SP140: variants seen among roughly 807,000 people sequenced by gnomAD.
SP140 encodes the protein SP140 nuclear body protein, also known as nuclear body protein SP140.
SP140 carries 81 observed loss-of-function variants against 125.0 expected under a neutral mutation model. That is an observed-to-expected ratio of 0.65 (90% CI 0.54 to 0.78). SP140 has a LOEUF of 0.78. SP140 is among the 30% of genes least tolerant of loss of function. SP140 has a pLI of 0.00. For synonymous variants in SP140, 312 were observed against 354.0 expected (o/e 0.88, Z 1.33); for missense variants, 858 against 1,037.0 (o/e 0.83, Z 2.37).
At chr2:230,287,485 G>A (rs373671517) in intron 17 of SP140, among the ~76,000 whole-genome samples, 86 of 152,074 alleles carry the variant, frequency 5.7e-4, no homozygotes, top group African/African-American at 1.3e-3. Flanking sequence ...CTGTAATGAC[G>A]GTAATCATCA....
At chr2:230,303,570 G>A (rs1002938924) in intron 22 of SP140, among the ~76,000 whole-genome samples, 4 of 152,106 alleles carry the variant, frequency 2.6e-5, no homozygotes, top group Non-Finnish European at 4.4e-5. Context: ...TATGAAGCCA[G>A]TATCACCCTA....
chr2:230,227,742 AT>A (rs2046669167), intron 1 of SP140, among the ~76,000 whole-genome samples: 1 of 152,002 alleles, frequency 6.6e-6, no homozygotes, highest in Non-Finnish European at 1.5e-5. Flanking sequence ...TTACCTTTCC[AT>A]TGTCCATGGA....
upstream of SP140, among the ~76,000 whole-genome samples, chr2:230,224,148 G>A (rs1483503152): frequency 6.6e-6 from 1 of 152,220 alleles, no homozygotes; most frequent in African/African-American, 2.4e-5. Flanking sequence ...TCTAGTAGTA[G>A]CAGCAGTACC....
At chr2:230,199,240 A>C, upstream of SP140, among the ~76,000 whole-genome samples, 3 of 112,726 alleles carry the variant, frequency 2.7e-5, no homozygotes, top group East Asian at 2.6e-4. Context: ...ACAGAGTCTC[A>C]CTCTGTCACC....
Position 230,312,630 on chromosome 2 carries a change from T to G in SP140, c.2550T>G (p.Phe850Leu). The part of the protein sequence containing the change: ...GQMGFRLEAE[F>L]EKNFKEVFAI... Reference sequence around the variant, plus strand: ...TGGGATTTAGACTGGAGGCTGAGTTTGAGAAGAATTTCAAGGAAGTGTTTG... The same window carrying G: ...TGGGATTTAGACTGGAGGCTGAGTTGGAGAAGAATTTCAAGGAAGTGTTTG... The change falls in exon 27 of 27, where the codon TTT becomes TTG. Residue 850 changes from phenylalanine (F) to leucine (L), a missense_variant. By Grantham distance (22) the Phe-to-Leu change is conservative (BLOSUM62 0). Around this residue, in one of 4 missense-constraint regions of SP140, gnomAD observed 43 missense variants for 35.1 expected, o/e 1.23. Coordinates refer to ENST00000392045, the MANE Select transcript of SP140 (RefSeq NM_007237.5). 1 of 1,613,178 alleles carries G rather than the reference T, an allele frequency of 6.2e-7. No homozygotes were observed. The highest frequency in any genetic ancestry group is 8.5e-7 in the Non-Finnish European group (1 of 1,179,398).
chr2:230,253,309 C>G lies in SP140; in HGVS notation c.1058-7C>G, dbSNP rs1348528076. The G allele has an allele frequency of 1.9e-6, 3 of 1,594,848 alleles. No individual in the cohort carries two copies. The highest frequency in any genetic ancestry group is 8.6e-7 in the Non-Finnish European group (1 of 1,162,764). On this transcript the variant is annotated splice_region_variant and splice_polypyrimidine_tract_variant and intron_variant, in intron 10 of 26. Coordinates refer to ENST00000392045, the MANE Select transcript of SP140 (RefSeq NM_007237.5). ...CTGTGTCCAAGTCACCCTCTGTGGT[C>G]TGTCAGTTTCTTGTTTATCTGCAGA...
chr2:230,211,921 C>T lies in SP140; in HGVS notation c.-322-1733C>T, dbSNP rs995428909. Among the ~76,000 whole-genome samples, 1 of 152,118 alleles carries T rather than the reference C, an allele frequency of 6.6e-6. No individual in the cohort carries two copies. Among genetic ancestry groups the T allele is most frequent in the African/African-American group, 2.4e-5 (1 of 41,398 alleles). On this transcript the variant is annotated intron_variant, in intron 1 of 4. Coordinates refer to the SP140 transcript ENST00000456542. The surrounding 1 kb of genome is among the most constrained non-coding windows in gnomAD (Gnocchi z 4.2). ...TCTTACGTTTAATGTAATCAAACTC[C>T]ATTATGATGATGGTTTGGGGAGGAC...
In SP140 at chr2:230,269,939, C is replaced by T. The variant is rs201286206; in HGVS notation, c.1430C>T (p.Ala477Val). ...SPEARTESDQ[A>V]CGTMDTVDIA... ...GAAGCAAGGACGGAAAGTGATCAAG[C>T]GTGTGGCACAATGGGTAAGGCTGTC... The change falls in exon 14 of 27, where the codon GCG (alanine) becomes GTG (valine). Residue 477 changes from alanine to valine, a missense_variant. By Grantham distance (64) the Ala-to-Val change is moderately conservative. Transcript: ENST00000392045. 1.2e-5 allele frequency: 20 copies of T among 1,612,754 alleles called. No individual in the cohort carries two copies. The highest frequency in any genetic ancestry group is 3.3e-5 in the Admixed American group (2 of 59,996).
chr2:230,234,694 C>T (rs923663328), intron 1 of SP140, among the ~76,000 whole-genome samples: 5 of 152,098 alleles, frequency 3.3e-5, no homozygotes, highest in African/African-American at 1.2e-4. Flanking sequence ...GAAATTCTCC[C>T]TCCTTTATCT....
At chr2:230,191,016 T>C in the SP140 span, among the ~76,000 whole-genome samples, 1 of 152,224 alleles carries the variant, frequency 6.6e-6, no homozygotes, top group South Asian at 2.1e-4. Context: ...TCCTTTTTGC[T>C]TAGGATTGTC....
intron 22 of SP140, among the ~76,000 whole-genome samples, chr2:230,308,829 C>T (rs2059064300): frequency 6.6e-6 from 1 of 152,196 alleles, no homozygotes; most frequent in Admixed American, 6.5e-5. Context: ...TAGGCCCTCC[C>T]AGTGTTACCA....
chr2:230,248,121 T>C, intron 8 of SP140, 56 bp downstream of exon 8: 1 of 1,572,874 alleles, frequency 6.4e-7, no homozygotes, highest in Non-Finnish European at 8.7e-7. Flanking sequence ...AGTGCCAACA[T>C]GGGGTGGGAG....
intron 15 of SP140, among the ~76,000 whole-genome samples, chr2:230,272,609 C>G (rs2054099676): frequency 1.3e-5 from 2 of 152,088 alleles, no homozygotes. Flanking sequence ...TGAGGCTTCC[C>G]CAGCCACATG....
chr2:230,195,317 C>T, the SP140 span, among the ~76,000 whole-genome samples: 1 of 152,126 alleles, frequency 6.6e-6, no homozygotes, highest in South Asian at 2.1e-4. Flanking sequence ...TACTAGAGGA[C>T]TAACATTTAA....
downstream of SP140, among the ~76,000 whole-genome samples, chr2:230,314,350 G>C (rs910664612): frequency 3.9e-5 from 6 of 152,254 alleles, no homozygotes; most frequent in African/African-American, 9.6e-5. Flanking sequence ...AAAGTGAAGA[G>C]AGCGTTTATC....
chr2:230,304,354 A>G (rs901048626), intron 22 of SP140, among the ~76,000 whole-genome samples: 6 of 152,190 alleles, frequency 3.9e-5, no homozygotes, highest in African/African-American at 1.4e-4. Flanking sequence ...AGTCAATGCA[A>G]TTCCCATCAA....
the SP140 span, among the ~76,000 whole-genome samples, chr2:230,189,488 G>A: frequency 6.6e-6 from 1 of 152,008 alleles, no homozygotes; most frequent in East Asian, 1.9e-4. Context: ...TATTTGTTAT[G>A]GTTTTGAAAG....
intron 3 of SP140, chr2:230,238,807 CA>C: frequency 6.4e-7 from 1 of 1,554,956 alleles, no homozygotes; most frequent in Non-Finnish European, 8.7e-7. Context: ...TTTCTCCAAA[CA>C]AAGACTGGAG....
At chr2:230,289,695 G>A (rs558142468) in intron 18 of SP140, among the ~76,000 whole-genome samples, 63 of 152,204 alleles carry the variant, frequency 4.1e-4, no homozygotes, top group Non-Finnish European at 6.6e-4. Flanking sequence ...GGCTGGTCTC[G>A]AACTCCTGAC....
Sources: gnomAD v4.1 joint callset for allele counts (sites outside exome capture counted in the v4.1 genomes callset) on GRCh38, gnomAD v4.1.1 for gene constraint, gnomAD v4.1.1 regional missense constraint, Gnocchi (gnomAD v3.1) non-coding constraint, MANE v1.5 for transcripts, NCBI Gene and HGNC (gene_info 2026-07-23, HGNC 2026-07-21) for gene names.